The following MACROD2 variants were observed in gnomAD, a reference collection of about 807,000 sequenced individuals.
The protein encoded by MACROD2 is ADP-ribose glycohydrolase MACROD2.
MACROD2 carries 36 observed loss-of-function variants against 70.4 expected under a neutral mutation model. The observed-to-expected ratio is 0.51, with a 90% CI of 0.39 to 0.68. The LOEUF (loss-of-function observed/expected upper bound fraction) is 0.68, where lower values mean the gene tolerates loss of function less well. Ranked by LOEUF, MACROD2 falls within the 30% of genes least tolerant of loss-of-function variation. The pLI is 0.00. For missense variants in MACROD2, 496 were observed against 538.4 expected (o/e 0.92, Z 0.78); for synonymous variants, 172 against 178.8 (o/e 0.96, Z 0.30).
chr20:14,596,688 GA>G (rs1982166157), intron 4 of MACROD2, among the ~76,000 whole-genome samples: 1 of 152,062 alleles, frequency 6.6e-6, no homozygotes, highest in Admixed American at 6.6e-5. Context: ...TAAAGAAATG[GA>G]ATCTGAAGAG....
chr20:15,520,480 C>T (rs1052737272), intron 8 of MACROD2, among the ~76,000 whole-genome samples: 4 of 152,324 alleles, frequency 2.6e-5, no homozygotes, highest in South Asian at 2.1e-4. Flanking sequence ...ATGACTATAG[C>T]GATGCCAGCG....
chr20:15,516,954 G>C (rs1600522227), intron 8 of MACROD2, among the ~76,000 whole-genome samples: 1 of 152,188 alleles, frequency 6.6e-6, no homozygotes, highest in Non-Finnish European at 1.5e-5. Flanking sequence ...AATTATGGTA[G>C]ACCCACCATA....
intron 3 of MACROD2, among the ~76,000 whole-genome samples, chr20:14,488,029 G>T (rs1838033023): frequency 6.6e-6 from 1 of 152,108 alleles, no homozygotes; most frequent in Non-Finnish European, 1.5e-5. Context: ...AAATCAGCCA[G>T]CTCCCCCAAA....
chr20:15,526,556 AG>A (rs1300106527), intron 8 of MACROD2, among the ~76,000 whole-genome samples: 1 of 152,214 alleles, frequency 6.6e-6, no homozygotes, highest in Non-Finnish European at 1.5e-5. Flanking sequence ...AGCAAGAATG[AG>A]TAGACAGGAT....
At chr20:14,003,666 C>A in intron 2 of MACROD2, 1 of 451,754 alleles carries the variant, frequency 2.2e-6, no homozygotes, top group Non-Finnish European at 4.4e-6. Flanking sequence ...GAAGCCAGAG[C>A]CACCTGCATT....
chr20:14,548,161 A>G (rs1465209542), intron 4 of MACROD2, among the ~76,000 whole-genome samples: 1 of 152,184 alleles, frequency 6.6e-6, no homozygotes, highest in African/African-American at 2.4e-5. Flanking sequence ...TGGCCCCTTC[A>G]CATTTTGTAT....
At chr20:14,679,242 T>A (rs2070900024) in intron 4 of MACROD2, among the ~76,000 whole-genome samples, 1 of 152,294 alleles carries the variant, frequency 6.6e-6, no homozygotes, top group South Asian at 2.1e-4. Flanking sequence ...CAGTTGTAAA[T>A]GGTTTCTTAA....
At chr20:15,289,645 T>TTTA (rs1248136508) in intron 6 of MACROD2, among the ~76,000 whole-genome samples, 1 of 152,154 alleles carries the variant, frequency 6.6e-6, no homozygotes, top group Non-Finnish European at 1.5e-5. Context: ...CAAATGAAAT[T>TTTA]TTATTATTTT....
chr20:14,224,564 G>T (rs1328095454), intron 3 of MACROD2, among the ~76,000 whole-genome samples: 1 of 152,094 alleles, frequency 6.6e-6, no homozygotes, highest in African/African-American at 2.4e-5. Flanking sequence ...GGCCATTAGT[G>T]TCCTGACAAT....
intron 5 of MACROD2, among the ~76,000 whole-genome samples, chr20:14,720,132 T>C (rs142970279): frequency 5.8e-4 from 88 of 152,260 alleles, no homozygotes; most frequent in African/African-American, 2.0e-3. Flanking sequence ...TTCTCAAATA[T>C]AGTGATCACT....
Position 16,031,120 on chromosome 20 carries a change from C to T in MACROD2, c.1154-10081C>T, listed in dbSNP as rs147695171. Among the ~76,000 whole-genome samples the T allele has an allele frequency of 1.6e-3, 237 of 151,426 alleles. 1 individual carries two copies. The highest frequency in any genetic ancestry group is 5.1e-3 in the African/African-American group (211 of 41,212). On this transcript the variant is annotated intron_variant, in intron 15 of 17. Coordinates refer to ENST00000684519, the MANE Select transcript of MACROD2 (RefSeq NM_001351661.2). ...GAGAAAATATTCACAATGTATTAGA[C>T]AGGGAAGGGTTAATTTTCTTAGTTT...
chr20:15,743,181 C>A (rs1024340804), intron 8 of MACROD2, among the ~76,000 whole-genome samples: 6 of 152,148 alleles, frequency 3.9e-5, no homozygotes, highest in African/African-American at 1.4e-4. Flanking sequence ...CTAACCAGGC[C>A]TGCATCTTCC....
chr20:15,777,361 G>T (rs2051738723), intron 8 of MACROD2, among the ~76,000 whole-genome samples: 1 of 151,438 alleles, frequency 6.6e-6, no homozygotes, highest in Non-Finnish European at 1.5e-5. Context: ...GTGCCGGTTT[G>T]GTTAAGTAAA....
At chr20:14,985,810 G>A (rs931075129) in intron 5 of MACROD2, among the ~76,000 whole-genome samples, 10 of 151,112 alleles carry the variant, frequency 6.6e-5, no homozygotes, top group East Asian at 5.8e-4. Flanking sequence ...GGCCAGGGTC[G>A]GGGGCAGGGA....
intron 2 of MACROD2, among the ~76,000 whole-genome samples, chr20:14,083,034 TTAAAA>T (rs1199813860): frequency 2.6e-5 from 4 of 151,918 alleles, no homozygotes; most frequent in Non-Finnish European, 4.4e-5. Flanking sequence ...GATATTTTAT[TTAAAA>T]TAAAATATTT....
intron 6 of MACROD2, among the ~76,000 whole-genome samples, chr20:15,300,449 C>CGA (rs1233977408): frequency 6.6e-6 from 1 of 152,048 alleles, no homozygotes; most frequent in Non-Finnish European, 1.5e-5. Context: ...ATTTGGGAAC[C>CGA]ACTGTTCTAA....
At chr20:14,237,554 T>C (rs977364786) in intron 3 of MACROD2, among the ~76,000 whole-genome samples, 1 of 151,526 alleles carries the variant, frequency 6.6e-6, no homozygotes, top group African/African-American at 2.4e-5. Flanking sequence ...TTATTATTAT[T>C]ATTATACTTT....
intron 3 of MACROD2, among the ~76,000 whole-genome samples, chr20:14,263,794 C>CCACA (rs371327492): frequency 4.0e-5 from 6 of 150,444 alleles, no homozygotes; most frequent in East Asian, 2.0e-4. Flanking sequence ...AATCCCGACT[C>CCACA]CACACACACA....
At chr20:15,050,675 T>C (rs1047203271) in intron 5 of MACROD2, among the ~76,000 whole-genome samples, 2 of 150,902 alleles carry the variant, frequency 1.3e-5, no homozygotes, top group African/African-American at 4.9e-5. Flanking sequence ...CTAAATGACA[T>C]GAGAGATGCA....
Sources: gnomAD v4.1 joint callset for allele counts (sites outside exome capture counted in the v4.1 genomes callset) on GRCh38, gnomAD v4.1.1 for gene constraint, MANE v1.5 for transcripts, NCBI Gene and HGNC (gene_info 2026-07-23, HGNC 2026-07-21) for gene names.